The following ATXN7 variants were observed in gnomAD, a reference collection of about 807,000 sequenced individuals.
ATXN7 encodes the protein ataxin-7.
ATXN7 carries 12 observed loss-of-function variants against 70.5 expected under a neutral mutation model. The ratio of observed to expected loss-of-function variants is 0.17; its 90% CI spans 0.11 to 0.28. The LOEUF (loss-of-function observed/expected upper bound fraction) is 0.28, where lower values mean the gene tolerates loss of function less well. Among genes scored for constraint, ATXN7 ranks in the 10% least tolerant of loss-of-function variants. The pLI, the probability that ATXN7 is intolerant of heterozygous loss-of-function variation, is 1.00. For missense variants in ATXN7, 1,256 were observed against 1,131.7 expected (o/e 1.11, Z -1.58); for synonymous variants, 498 against 448.7 (o/e 1.11, Z -1.39).
chr3:63,974,606 T>G (rs996393737), intron 5 of ATXN7, among the ~76,000 whole-genome samples: 1 of 152,130 alleles, frequency 6.6e-6, no homozygotes, highest in African/African-American at 2.4e-5. Flanking sequence ...ATCTGGAAAG[T>G]GAGGTTAATA....
At chr3:63,893,297 G>A (rs1703342407) in intron 1 of ATXN7, among the ~76,000 whole-genome samples, 1 of 152,148 alleles carries the variant, frequency 6.6e-6, no homozygotes, top group African/African-American at 2.4e-5. Context: ...GAATTACTGG[G>A]AATTTTATAT....
intron 4 of ATXN7, among the ~76,000 whole-genome samples, chr3:63,931,082 G>T (rs182383728): frequency 6.6e-6 from 1 of 152,040 alleles, no homozygotes; most frequent in Non-Finnish European, 1.5e-5. Context: ...TGGAGTTAAT[G>T]GTATATACAG....
At chr3:63,916,808 T>C (rs1009982068) in intron 4 of ATXN7, among the ~76,000 whole-genome samples, 2 of 152,260 alleles carry the variant, frequency 1.3e-5, no homozygotes, top group Admixed American at 6.5e-5. Flanking sequence ...TTTGCATTCT[T>C]GTATTTGTAT....
rs528746648 is a variant in ATXN7 at position 63,988,172 on chromosome 3, C to G, written c.1209C>G (p.Asp403Glu). 225 of 1,614,040 alleles carry G rather than the reference C, an allele frequency of 1.4e-4. No individual in the cohort carries two copies. In the Middle Eastern group the frequency reaches 1.6e-3, roughly 12 times the overall value. Residue 403 changes from aspartate (D) to glutamate (E), a missense_variant, in exon 9 of 13, where the codon GAC becomes GAG. Coordinates refer to ENST00000674280, the MANE Select transcript of ATXN7 (RefSeq NM_001377405.1). ...AAAAGGAATTGATTCGCCATCCGGA[C>G]TCTCAGCAACCACCGCAGCCTCTCA... is the stretch of plus-strand genomic sequence containing the variant. ...TREKELIRHP[D>E]SQQPPQPLRD...
intron 5 of ATXN7, among the ~76,000 whole-genome samples, chr3:63,973,003 A>C (rs1031217592): frequency 2.0e-5 from 3 of 152,194 alleles, no homozygotes; most frequent in Non-Finnish European, 2.9e-5. Flanking sequence ...CTTGGTCCAC[A>C]GTAGGCTCTG....
At chr3:63,893,820 C>CGGT (rs1703360435) in intron 1 of ATXN7, among the ~76,000 whole-genome samples, 1 of 86,720 alleles carries the variant, frequency 1.2e-5, no homozygotes, top group Non-Finnish European at 3.1e-5. Context: ...GAGGGGAATA[C>CGGT]AGTAGCACCA....
At chr3:63,919,418 T>G (rs1425980928) in intron 4 of ATXN7, among the ~76,000 whole-genome samples, 1 of 152,184 alleles carries the variant, frequency 6.6e-6, no homozygotes, top group Non-Finnish European at 1.5e-5. Flanking sequence ...AATACAGTCT[T>G]ATTATTCTTG....
chr3:63,979,945 C>T lies in ATXN7; in HGVS notation c.530C>T (p.Pro177Leu), dbSNP rs2106752614. Residue 177 changes from proline (P) to leucine (L), a missense_variant, in exon 6 of 13, where the codon CCT (proline) becomes CTT (leucine). Physicochemically the swap from Pro to Leu is moderately conservative, Grantham distance 98 (BLOSUM62 -3). Transcript: ENST00000674280. Reference sequence around the variant, plus strand: ...AGACATAGCTCATCCAGCAAGCCGCCTTTGGCCGTTCCTCCCACTTCAGTA... The same window carrying T: ...AGACATAGCTCATCCAGCAAGCCGCTTTTGGCCGTTCCTCCCACTTCAGTA... ...ERRHSSSSKPPLAVPPTSVFS... is the reference protein window; with the variant it reads ...ERRHSSSSKPLLAVPPTSVFS... The T allele has an allele frequency of 6.2e-6, 10 of 1,614,212 alleles. No homozygotes were observed. The highest frequency in any genetic ancestry group is 8.5e-6 in the Non-Finnish European group (10 of 1,180,038).
Position 63,990,388 on chromosome 3 carries a change from C to G in ATXN7, c.1560+14C>G. The G allele has an allele frequency of 6.2e-7, 1 of 1,613,998 alleles. No homozygotes were observed. ...CAGCCAGCATCTGTAAGTTCCACGT[C>G]CACCCCCGCGTTGACCCTCCCCACA... On this transcript the variant is annotated intron_variant, in intron 10 of 12. Transcript: ENST00000674280.
chr3:63,925,335 C>T (rs895439263), intron 4 of ATXN7, among the ~76,000 whole-genome samples: 2 of 152,122 alleles, frequency 1.3e-5, no homozygotes, highest in African/African-American at 4.8e-5. Context: ...TGGATCAGTA[C>T]CCGCCTATGG....
intron 4 of ATXN7, among the ~76,000 whole-genome samples, chr3:63,932,776 A>C (rs1474309183): frequency 6.6e-6 from 1 of 152,136 alleles, no homozygotes; most frequent in Non-Finnish European, 1.5e-5. Flanking sequence ...ATCGGGGCTT[A>C]GGCAGTAGTT....
At chr3:63,940,546 T>A (rs922225526) in intron 4 of ATXN7, among the ~76,000 whole-genome samples, 2 of 152,188 alleles carry the variant, frequency 1.3e-5, no homozygotes, top group Admixed American at 1.3e-4. Flanking sequence ...ATTATAATCA[T>A]AACCACAATA....
rs770576399 is a variant in ATXN7 at position 63,996,505 on chromosome 3, C to T, written c.2661+22C>T. 4.4e-6 allele frequency: 7 copies of T among 1,607,954 alleles called. No individual in the cohort carries two copies. The South Asian group carries it at 7.7e-5, about 18-fold the overall frequency. On this transcript the variant is annotated intron_variant, in intron 12 of 12. Coordinates refer to ENST00000674280, the MANE Select transcript of ATXN7 (RefSeq NM_001377405.1). The stretch of plus-strand genomic sequence containing the variant: ...TCAGGTAGGAAATGGACTGTGAGCC[C>T]CATGGGAATGCCCATTTCTTCTCCC...
chr3:63,919,730 C>G (rs2107315524), intron 4 of ATXN7, among the ~76,000 whole-genome samples: 4 of 146,624 alleles, frequency 2.7e-5, no homozygotes, highest in Non-Finnish European at 6.0e-5. Context: ...AGGTATATCT[C>G]CTAATGCTAT....
In ATXN7 at chr3:63,997,631, CA is replaced by C. The variant is rs772825978; in HGVS notation, c.2661+1149del. ...TATTTTATTCATCAGGATATCTCCT[CA>C]CCTTGCTTACGAACAGGAATTTCAG... On this transcript the variant is annotated intron_variant, in intron 12 of 12. Transcript: ENST00000674280. 1.5e-4 allele frequency: 237 copies of C among 1,552,052 alleles called. 1 individual carries two copies. Among genetic ancestry groups the C allele is most frequent in the Admixed American group, 9.2e-4 (47 of 51,002 alleles).
At chr3:63,993,275 A>ATTTTTTTT (rs556994956) in intron 11 of ATXN7, among the ~76,000 whole-genome samples, 1,381 of 115,640 alleles carry the variant, frequency 0.012, 19 homozygotes, top group African/African-American at 0.039. Flanking sequence ...TTGTTGGTGT[A>ATTTTTTTT]TTTTTTTTTT....
intron 2 of ATXN7, among the ~76,000 whole-genome samples, chr3:63,907,647 A>T: frequency 6.8e-6 from 1 of 146,684 alleles, no homozygotes. Context: ...TTTTTTCAGT[A>T]GAGACTATGC....
chr3:63,920,151 A>G (rs562013386), intron 4 of ATXN7, among the ~76,000 whole-genome samples: 2 of 152,214 alleles, frequency 1.3e-5, no homozygotes, highest in South Asian at 4.1e-4. Context: ...ACCTGGCACA[A>G]TCCATGCTGA....
At chr3:63,869,465 C>T (rs575327214) in intron 1 of ATXN7, among the ~76,000 whole-genome samples, 3 of 152,040 alleles carry the variant, frequency 2.0e-5, no homozygotes, top group Non-Finnish European at 4.4e-5. Context: ...TCATTGTTGC[C>T]AAGGCTGGAG....
Sources: gnomAD v4.1 joint callset for allele counts (sites outside exome capture counted in the v4.1 genomes callset) on GRCh38, gnomAD v4.1.1 for gene constraint, MANE v1.5 for transcripts, NCBI Gene and HGNC (gene_info 2026-07-23, HGNC 2026-07-21) for gene names.